The following POMC variants were observed in gnomAD, a reference collection of about 807,000 sequenced individuals.
The protein encoded by POMC is proopiomelanocortin.
In POMC, 19 loss-of-function variants were observed where a neutral mutation model predicts 18.5. The observed-to-expected ratio is 1.03, with a 90% CI of 0.72 to 1.51. The LOEUF is 1.51. Among genes scored for constraint, POMC ranks in the 40% most tolerant of loss-of-function variants. POMC has a pLI of 0.00. For synonymous variants in POMC, 179 were observed against 161.9 expected, an observed-to-expected ratio of 1.11 and a Z score of -0.80; for missense variants, 451 against 379.0, an observed-to-expected ratio of 1.19 and a Z score of -1.58.
intron 2 of POMC, 47 bp downstream of exon 2, chr2:25,164,594 A>G (rs1356894321): frequency 6.2e-7 from 1 of 1,613,530 alleles, no homozygotes; most frequent in Non-Finnish European, 8.5e-7. Flanking sequence ...TCCCAGCTCC[A>G]GTCCCATCTA....
intron 1 of POMC, among the ~76,000 whole-genome samples, chr2:25,166,815 T>C (rs2149223261): frequency 6.6e-6 from 1 of 152,388 alleles, no homozygotes; most frequent in South Asian, 2.1e-4. Flanking sequence ...GTGTTTGTAT[T>C]GTATATTTTG....
rs200935363 is a variant in POMC, at chr2:25,167,283, A to AC, written c.-21+1214_-21+1215insG. On this transcript the variant is annotated intron_variant, in intron 1 of 2. Transcript: ENST00000395826. Reference sequence around the variant, plus strand: ...AGAGTTTATAAACTGACACACACACAAAAAAAATCCACACACACTTTTATT... The same window carrying AC: ...AGAGTTTATAAACTGACACACACACACAAAAAAATCCACACACACTTTTATT... Among the ~76,000 whole-genome samples, 178 of 151,978 alleles carry AC rather than the reference A, an allele frequency of 1.2e-3. 1 individual carries two copies. The highest frequency in any genetic ancestry group is 8.3e-3 in the Admixed American group (126 of 15,266).
Position 25,161,393 on chromosome 2 carries a change from G to A in POMC, c.492C>T (p.Ala164=), listed in dbSNP as rs914337816. Residue 164 remains alanine (A), a synonymous_variant, in exon 3 of 3, where the codon GCC becomes GCT. Coordinates refer to ENST00000395826, the MANE Select transcript of POMC (RefSeq NM_000939.4). This position sits in a 1 kb window ranked among gnomAD's most constrained non-coding sequence, Gnocchi z 5.7. ...RRPVKVYPNG[A]EDESAEAFPL... ...GGAAGGCCTCGGCCGACTCGTCCTC[G>A]GCGCCGTTAGGGTACACCTTCACTG... 9.3e-6 allele frequency: 15 copies of A among 1,608,772 alleles called. 1 individual carries two copies. In the Admixed American group the frequency reaches 1.7e-4, roughly 18 times the overall value.
intron 2 of POMC, among the ~76,000 whole-genome samples, chr2:25,163,658 A>G (rs889589713): frequency 1.3e-5 from 2 of 152,196 alleles, no homozygotes; most frequent in African/African-American, 4.8e-5. Flanking sequence ...TTGTTTTGAG[A>G]CAAGGTCTCA....
Position 25,161,592 on chromosome 2 carries a change from C to G in POMC, c.293G>C (p.Ser98Thr). ...GTCCTCGCGCTTCTGCCCTGCGCCG[C>G]TGCTGCCGCTGCTGCTGCTGTTGCG... The part of the protein sequence containing the change: ...GRRNSSSSGS[S>T]GAGQKREDVS... Residue 98 changes from serine (S) to threonine (T), a missense_variant, in exon 3 of 3, where the codon AGC becomes ACC. Ser to Thr is a moderately conservative substitution (Grantham distance 58). Coordinates refer to ENST00000395826, the MANE Select transcript of POMC (RefSeq NM_000939.4). The surrounding 1 kb of genome is among the most constrained non-coding windows in gnomAD (Gnocchi z 5.7). 6.4e-7 allele frequency: 1 copy of G among 1,556,190 alleles called. No homozygotes were observed.
At position 25,164,781 on chromosome 2, in the gene POMC, C is replaced by T. The variant is rs764179008; in HGVS notation, c.-9G>A. On this transcript the variant is annotated 5_prime_UTR_variant, in exon 2 of 3. Transcript: ENST00000395826. ...CAGCACGATCTCGGCATCTTCCAGG[C>T]AGGCTGAGGCTCTGCAGAAGCAAAC... 6.2e-7 allele frequency: 1 copy of T among 1,613,460 alleles called. No individual in the cohort carries two copies. The highest frequency in any genetic ancestry group is 8.5e-7 in the Non-Finnish European group (1 of 1,180,018).
intron 1 of POMC, among the ~76,000 whole-genome samples, chr2:25,166,136 C>T (rs188670543): frequency 6.6e-6 from 1 of 152,336 alleles, no homozygotes; most frequent in Admixed American, 6.5e-5. Flanking sequence ...CTCTCTACCC[C>T]ACCCTCGCCC....
rs768635909 is a variant in POMC at position 25,161,158 on chromosome 2, AG to A, written c.726del (p.Ser243ProfsTer9). 1.7e-5 allele frequency: 28 copies of A among 1,613,368 alleles called. 1 individual carries two copies. Among genetic ancestry groups the A allele is most frequent in the South Asian group, 6.6e-5 (6 of 91,058 alleles). On this transcript the variant is annotated frameshift_variant, in exon 3 of 3. Transcript: ENST00000395826. LOFTEE classifies it high-confidence loss of function. This position sits in a 1 kb window ranked among gnomAD's most constrained non-coding sequence, Gnocchi z 5.7. ...ACCAGGGGCGTCTGGCTCTTCTCGG[AG>A]GTCATGAAACCGCCGTAGCGCTTGT... ...PKDKRYGGFM[T>X]SEKSQTPLVT...
At chr2:25,165,836 G>A (rs1573255092) in intron 1 of POMC, among the ~76,000 whole-genome samples, 1 of 152,006 alleles carries the variant, frequency 6.6e-6, no homozygotes, top group African/African-American at 2.4e-5. Flanking sequence ...AAGCCACCTC[G>A]AGGCCGGAGA....
At chr2:25,163,139 A>C (rs150572792) in intron 2 of POMC, among the ~76,000 whole-genome samples, 4 of 152,052 alleles carry the variant, frequency 2.6e-5, no homozygotes, top group African/African-American at 9.7e-5. Context: ...GATCCTACCC[A>C]CTCTGTTGAG....
chr2:25,162,471 A>G (rs1286727634), intron 2 of POMC, among the ~76,000 whole-genome samples: 3 of 152,156 alleles, frequency 2.0e-5, no homozygotes, highest in Non-Finnish European at 4.4e-5. Flanking sequence ...AAATAAATAA[A>G]TAAATAAAAA....
chr2:25,164,161 G>A (rs1671477621), intron 2 of POMC, among the ~76,000 whole-genome samples: 1 of 151,102 alleles, frequency 6.6e-6, no homozygotes, highest in Non-Finnish European at 1.5e-5. Flanking sequence ...AAAAAAAAAA[G>A]GGCCCCTGGT....
Position 25,161,523 on chromosome 2 carries a change from G to A in POMC, c.362C>T (p.Pro121Leu). 2 of 1,590,714 alleles carry A rather than the reference G, an allele frequency of 1.3e-6. No individual in the cohort carries two copies. The highest frequency in any genetic ancestry group is 1.7e-6 in the Non-Finnish European group (2 of 1,169,210). The change falls in exon 3 of 3, where the codon CCC becomes CTC. Residue 121 changes from proline (P) to leucine (L), a missense_variant. Pro to Leu is a moderately conservative substitution (Grantham distance 98). Coordinates refer to ENST00000395826, the MANE Select transcript of POMC (RefSeq NM_000939.4). The surrounding 1 kb of genome is among the most constrained non-coding windows in gnomAD (Gnocchi z 5.7). ...CTTGGCACCATCGCTGCGGGGCTCG[G>A]GGCCGCCCTCAGGCAGCGGGCCGCA... ...EDCGPLPEGG[P>L]EPRSDGAKPG... is the part of the protein sequence containing the mutation.
At chr2:25,167,487 C>T (rs1000466933) in intron 1 of POMC, among the ~76,000 whole-genome samples, 1 of 152,154 alleles carries the variant, frequency 6.6e-6, no homozygotes, top group African/African-American at 2.4e-5. Flanking sequence ...GCGCCATAAA[C>T]CGTCCACCCC....
At position 25,160,903 on chromosome 2, in the gene POMC, C is replaced by T. The variant is rs1377145893; in HGVS notation, c.*178G>A. ...TTACTTTATTCACACAGTTTACATT[C>T]AAAGTCAGAGGTGGATGTGAAATTT... On this transcript the variant is annotated 3_prime_UTR_variant, in exon 3 of 3. Coordinates refer to ENST00000395826, the MANE Select transcript of POMC (RefSeq NM_000939.4). 6.8e-6 allele frequency: 7 copies of T among 1,035,044 alleles called. No homozygotes were observed. Among genetic ancestry groups the T allele is most frequent in the Non-Finnish European group, 9.6e-6 (7 of 732,652 alleles). 64.1% of individuals were successfully genotyped at this position (1,035,044 alleles called of 1,614,324 possible).
Position 25,161,052 on chromosome 2 carries a change from G to A in POMC, c.*29C>T. The A allele has an allele frequency of 6.2e-7, 1 of 1,613,860 alleles. No homozygotes were observed. Among genetic ancestry groups the A allele is most frequent in the Non-Finnish European group, 8.5e-7 (1 of 1,180,004 alleles). ...GGGCTTTGGGGTCGACCTCCTGGGG[G>A]AGGGTAGCCCTGGGGCCCCGCTGTG... On this transcript the variant is annotated 3_prime_UTR_variant, in exon 3 of 3. Coordinates refer to ENST00000395826, the MANE Select transcript of POMC (RefSeq NM_000939.4). This position sits in a 1 kb window ranked among gnomAD's most constrained non-coding sequence, Gnocchi z 5.7.
In POMC at chr2:25,161,967, C is replaced by G. The variant is rs1004431069; in HGVS notation, c.133-215G>C. ...TGGGCATCTAAGATCTTGCCACTGC[C>G]TCTTTTGTCCCATCCCCTTCATGCT... On this transcript the variant is annotated intron_variant, in intron 2 of 2. Transcript: ENST00000395826. The surrounding 1 kb of genome is among the most constrained non-coding windows in gnomAD (Gnocchi z 5.7). Among the ~76,000 whole-genome samples, 1 of 152,234 alleles carries G rather than the reference C, an allele frequency of 6.6e-6. No homozygotes were observed. Among genetic ancestry groups the G allele is most frequent in the Non-Finnish European group, 1.5e-5 (1 of 68,036 alleles).
chr2:25,162,344 G>T (rs1247529031), intron 2 of POMC, among the ~76,000 whole-genome samples: 1 of 152,128 alleles, frequency 6.6e-6, no homozygotes, highest in East Asian at 1.9e-4. Flanking sequence ...CAGCTACTCT[G>T]GAGCCTGAGG....
In POMC at chr2:25,161,222, G is replaced by A. The variant is rs373617920; in HGVS notation, c.663C>T (p.Tyr221=). The change falls in exon 3 of 3, where the codon TAC becomes TAT. Residue 221 remains tyrosine (Y), a synonymous_variant. Transcript: ENST00000395826. This position sits in a 1 kb window ranked among gnomAD's most constrained non-coding sequence, Gnocchi z 5.7. The part of the protein sequence containing the change: ...VAAEKKDEGP[Y]RMEHFRWGSP... ...TGCCCCAGCGGAAGTGCTCCATCCT[G>A]TAGGGGCCCTCGTCCTTCTTCTCGG... 1.6e-5 allele frequency: 26 copies of A among 1,613,170 alleles called. No homozygotes were observed. The highest frequency in any genetic ancestry group is 2.2e-5 in the Non-Finnish European group (26 of 1,179,822).
Sources: allele counts gnomAD v4.1 joint callset (sites outside exome capture counted in the v4.1 genomes callset), GRCh38; gene constraint gnomAD v4.1.1; non-coding constraint Gnocchi (gnomAD v3.1); transcripts MANE v1.5; gene names NCBI Gene and HGNC (gene_info 2026-07-23, HGNC 2026-07-21).